Variants in ABCC6 observed in about 807,000 individuals in gnomAD.
ABCC6 encodes ATP-binding cassette sub-family C member 6.
A neutral mutation model predicts 169.5 loss-of-function variants in ABCC6; 126 were observed. The ratio of observed to expected loss-of-function variants is 0.74; its 90% CI spans 0.64 to 0.86. The LOEUF is 0.86. ABCC6 is among the 40% of genes least tolerant of loss of function. The probability of loss-of-function intolerance (pLI) is 0.00; values close to 1 mark genes in which losing one functional copy is unlikely to be tolerated. For missense variants in ABCC6, 1,733 were observed against 1,927.2 expected, an observed-to-expected ratio of 0.90 and a Z score of 1.89; for synonymous variants, 752 against 814.7, an observed-to-expected ratio of 0.92 and a Z score of 1.31.
intron 7 of ABCC6, among the ~76,000 whole-genome samples, chr16:16,207,142 G>C (rs2048418021): frequency 6.6e-6 from 1 of 152,152 alleles, no homozygotes; most frequent in Admixed American, 6.5e-5. Flanking sequence ...CCTGGGGTGA[G>C]AGAGAACTGA....
intron 17 of ABCC6, among the ~76,000 whole-genome samples, chr16:16,179,561 G>T (rs996000878): frequency 6.6e-6 from 1 of 151,994 alleles, no homozygotes; most frequent in South Asian, 2.1e-4. Context: ...TACGTTGATT[G>T]TGCACTTCTA....
chr16:16,169,520 A>G, intron 22 of ABCC6, 126 bp downstream of exon 22: 2 of 1,100,676 alleles, frequency 1.8e-6, no homozygotes, highest in Non-Finnish European at 2.7e-6. Context: ...CTTTGCCTGG[A>G]CCCCAGACGT....
chr16:16,214,311 C>A lies in ABCC6; in HGVS notation c.600+13G>T. On this transcript the variant is annotated intron_variant, in intron 5 of 30. Coordinates refer to ENST00000205557, the MANE Select transcript of ABCC6 (RefSeq NM_001171.6). ...AAGTGGAACAGGAATGAGGTTGGAA[C>A]TTGGTGACTTACAGACTGCTGGGGG... The A allele has an allele frequency of 6.4e-7, 1 of 1,550,698 alleles. No individual in the cohort carries two copies. The highest frequency in any genetic ancestry group is 1.2e-5 in the South Asian group (1 of 84,006).
At chr16:16,169,344 C>T (rs1039075103) in intron 22 of ABCC6, among the ~76,000 whole-genome samples, 1 of 152,128 alleles carries the variant, frequency 6.6e-6, no homozygotes, top group African/African-American at 2.4e-5. Context: ...GAGGGTCTGG[C>T]TCTGTCTGGA....
intron 22 of ABCC6, 63 bp downstream of exon 22, chr16:16,169,583 G>C: frequency 6.4e-7 from 1 of 1,574,258 alleles, no homozygotes. Context: ...TGGGGTAAAG[G>C]AGTCCTGAGC....
At chr16:16,153,855 G>C (rs995541060) in intron 29 of ABCC6, among the ~76,000 whole-genome samples, 2 of 149,268 alleles carry the variant, frequency 1.3e-5, no homozygotes, top group Admixed American at 6.7e-5. Flanking sequence ...AGCGAGCCTT[G>C]ACCTCACCAC....
rs769405586 is a variant in ABCC6, at chr16:16,178,934, C to A, written c.2279G>T (p.Arg760Leu). The A allele has an allele frequency of 6.2e-7, 1 of 1,613,294 alleles. No individual in the cohort carries two copies. Reference protein sequence around the residue: ...GMNLSGGQKQRLSLARAVYRK... With the variant: ...GMNLSGGQKQLLSLARAVYRK... ...GTATACAGCCCGGGCCAGGCTCAGC[C>A]GCTGCTTCTGGCCTCCGGAGAGATT... The change falls in exon 18 of 31, where the codon CGG becomes CTG. Residue 760 changes from arginine (R) to leucine (L), a missense_variant. Physicochemically the swap from Arg to Leu is moderately radical, Grantham distance 102. Coordinates refer to ENST00000205557, the MANE Select transcript of ABCC6 (RefSeq NM_001171.6).
At position 16,161,322 on chromosome 16, in the gene ABCC6, G is replaced by A; in HGVS notation, c.3633+116C>T. 5.4e-6 allele frequency: 8 copies of A among 1,482,294 alleles called. No individual in the cohort carries two copies. The South Asian group carries it at 9.5e-5, about 18-fold the overall frequency. The allele number at this position is 1,482,294 out of a possible 1,614,324, so 91.8% of individuals were successfully genotyped here. ...GCTGCGTGTCCCTCCTTGGTGGAGGGACTCCACACACCATGTTGGTTTGGA... is the reference window on the plus strand; with the variant it reads ...GCTGCGTGTCCCTCCTTGGTGGAGGAACTCCACACACCATGTTGGTTTGGA... On this transcript the variant is annotated intron_variant, in intron 25 of 30. Coordinates refer to ENST00000205557, the MANE Select transcript of ABCC6 (RefSeq NM_001171.6).
intron 4 of ABCC6, among the ~76,000 whole-genome samples, chr16:16,217,679 T>A (rs2048928072): frequency 6.6e-6 from 1 of 152,244 alleles, no homozygotes. Context: ...CCAGTATTAT[T>A]GTTTCTATGC....
chr16:16,203,566 T>A lies in ABCC6; in HGVS notation c.842A>T (p.Lys281Met). ...TAGGAAGGGCTCGGTCTCTGGAGCC[T>A]TCATGCCACTGCCGCCTTTCCTTTT... ...AFKRKGGSGM[K>M]APETEPFLRQ... Residue 281 changes from lysine to methionine, a missense_variant, in exon 8 of 31, where the codon AAG (lysine) becomes ATG (methionine). This residue lies in a region of ABCC6 where 1,601 missense variants were observed against 1,635.5 expected (regional missense o/e 0.98). Transcript: ENST00000205557. 6.2e-7 allele frequency: 1 copy of A among 1,614,028 alleles called. No individual in the cohort carries two copies. Among genetic ancestry groups the A allele is most frequent in the Non-Finnish European group, 8.5e-7 (1 of 1,179,878 alleles).
intron 23 of ABCC6, among the ~76,000 whole-genome samples, chr16:16,165,128 C>T (rs540508509): frequency 6.6e-5 from 10 of 152,266 alleles, no homozygotes; most frequent in African/African-American, 1.9e-4. Context: ...TTAACTGTGC[C>T]GTGGGGCACA....
chr16:16,188,105 G>A (rs2152267678), intron 13 of ABCC6, among the ~76,000 whole-genome samples: 1 of 151,538 alleles, frequency 6.6e-6, no homozygotes, highest in African/African-American at 2.4e-5. Flanking sequence ...AATAAGACTG[G>A]GTGCAGTGGC....
At chr16:16,216,530 A>G (rs1476775614) in intron 4 of ABCC6, among the ~76,000 whole-genome samples, 10 of 151,888 alleles carry the variant, frequency 6.6e-5, no homozygotes, top group African/African-American at 9.7e-5. Flanking sequence ...TTATGGCTGC[A>G]TAGTACTTCA....
rs12929920 is a variant in ABCC6, at chr16:16,198,001, G to A, written c.1338+20C>T. 15 of 1,611,100 alleles carry A rather than the reference G, an allele frequency of 9.3e-6. No homozygotes were observed. The African/African-American group carries it at 1.1e-4, about 12-fold the overall frequency. On this transcript the variant is annotated intron_variant, in intron 10 of 30. Coordinates refer to ENST00000205557, the MANE Select transcript of ABCC6 (RefSeq NM_001171.6). ...GGGTGGGGGACTCCGTTCAAATCCC[G>A]TCTTCCTCCTCTGGCATACCTGCCA... is the stretch of plus-strand genomic sequence containing the variant.
At position 16,182,949 on chromosome 16, in the gene ABCC6, A is replaced by G; in HGVS notation, c.1944-19T>C. Reference sequence around the variant, plus strand: ...GTTTATTCTGGACACGCAAGAGGGGAGACATGACCTTGGTTAGGGTTCAGC... The same window carrying G: ...GTTTATTCTGGACACGCAAGAGGGGGGACATGACCTTGGTTAGGGTTCAGC... On this transcript the variant is annotated intron_variant, in intron 15 of 30. Transcript: ENST00000205557. The G allele has an allele frequency of 6.2e-7, 1 of 1,614,002 alleles. No individual in the cohort carries two copies. The highest frequency in any genetic ancestry group is 1.3e-5 in the African/African-American group (1 of 74,972).
At chr16:16,195,790 G>A (rs913503477) in intron 10 of ABCC6, among the ~76,000 whole-genome samples, 16 of 152,136 alleles carry the variant, frequency 1.1e-4, no homozygotes, top group Admixed American at 7.9e-4. Context: ...TGTTTGCAAG[G>A]CCCTGGAATA....
intron 17 of ABCC6, among the ~76,000 whole-genome samples, chr16:16,181,150 A>C (rs902886833): frequency 6.6e-6 from 1 of 151,108 alleles, no homozygotes; most frequent in Non-Finnish European, 1.5e-5. Flanking sequence ...CTAAAAGTAC[A>C]AAAAAAAATT....
intron 9 of ABCC6, among the ~76,000 whole-genome samples, chr16:16,198,484 G>C (rs2048128383): frequency 6.6e-6 from 1 of 152,160 alleles, no homozygotes; most frequent in South Asian, 2.1e-4. Flanking sequence ...TGTGCTAAAT[G>C]AACAGCCTTA....
intron 13 of ABCC6, 53 bp downstream of exon 13, chr16:16,188,778 G>A: frequency 6.3e-7 from 1 of 1,584,466 alleles, no homozygotes; most frequent in Non-Finnish European, 8.6e-7. Flanking sequence ...GCTGGAGCCA[G>A]GTGTAGCCCA....
Sources: allele counts gnomAD v4.1 joint callset (sites outside exome capture counted in the v4.1 genomes callset), GRCh38; gene constraint gnomAD v4.1.1; regional missense constraint gnomAD v4.1.1; transcripts MANE v1.5; gene names NCBI Gene and HGNC (gene_info 2026-07-23, HGNC 2026-07-21).